TANC2: variants seen among roughly 807,000 people sequenced by gnomAD.
The protein encoded by TANC2 is protein TANC2.
Under a neutral mutation model 210.5 loss-of-function variants are expected in TANC2, and 26 were observed. That is an observed-to-expected ratio of 0.12 (90% CI 0.09 to 0.17). TANC2 has a LOEUF of 0.17. Ranked by LOEUF, TANC2 falls within the 10% of genes least tolerant of loss-of-function variation. TANC2 has a pLI of 1.00. For missense variants in TANC2, 2,129 were observed against 2,608.9 expected, an observed-to-expected ratio of 0.82 and a Z score of 4.01; for synonymous variants, 931 against 967.1, an observed-to-expected ratio of 0.96 and a Z score of 0.69.
At chr17:63,397,946 T>C (rs1025610613) in intron 18 of TANC2, among the ~76,000 whole-genome samples, 4 of 152,202 alleles carry the variant, frequency 2.6e-5, no homozygotes, top group Non-Finnish European at 4.4e-5. Flanking sequence ...ACAGCTACCA[T>C]ATCAATTGAG....
intron 2 of TANC2, among the ~76,000 whole-genome samples, chr17:63,050,640 G>C (rs2035550840): frequency 6.6e-6 from 1 of 152,124 alleles, no homozygotes; most frequent in South Asian, 2.1e-4. Flanking sequence ...GCAAAACCAG[G>C]CAAGTGTGAC....
chr17:63,239,318 G>A (rs1263604948), intron 8 of TANC2, among the ~76,000 whole-genome samples: 2 of 152,148 alleles, frequency 1.3e-5, no homozygotes, highest in Non-Finnish European at 2.9e-5. Context: ...ATAGTTGAAT[G>A]TTCTGACTTT....
intron 9 of TANC2, among the ~76,000 whole-genome samples, chr17:63,286,592 C>G (rs2044228711): frequency 6.6e-6 from 1 of 152,096 alleles, no homozygotes; most frequent in South Asian, 2.1e-4. Flanking sequence ...TCATTTTATT[C>G]ATGTTTCTTA....
At chr17:63,038,882 C>CT (rs1426031093) in intron 2 of TANC2, among the ~76,000 whole-genome samples, 2 of 152,006 alleles carry the variant, frequency 1.3e-5, no homozygotes, top group Non-Finnish European at 2.9e-5. Context: ...TTAGATTTGT[C>CT]TTTTTAAAGG....
chr17:63,220,156 A>G (rs1194091499), intron 7 of TANC2, among the ~76,000 whole-genome samples: 1 of 150,978 alleles, frequency 6.6e-6, no homozygotes, highest in Non-Finnish European at 1.5e-5. Flanking sequence ...TTAGTGGGGC[A>G]TGGTGTCACG....
At chr17:63,255,214 C>G (rs889360810) in intron 8 of TANC2, among the ~76,000 whole-genome samples, 33 of 152,050 alleles carry the variant, frequency 2.2e-4, no homozygotes, top group African/African-American at 8.0e-4. Context: ...ACACCATTCT[C>G]CTGCCTCAGC....
intron 8 of TANC2, among the ~76,000 whole-genome samples, chr17:63,259,333 G>A (rs1434389130): frequency 6.6e-6 from 1 of 152,158 alleles, no homozygotes; most frequent in Non-Finnish European, 1.5e-5. Context: ...ACCCCAGCTG[G>A]TGTCTCACTA....
At chr17:63,299,370 C>T (rs1023880414) in intron 9 of TANC2, among the ~76,000 whole-genome samples, 19 of 152,112 alleles carry the variant, frequency 1.2e-4, no homozygotes, top group African/African-American at 4.6e-4. Context: ...AATTTTTTAA[C>T]TAATTTATAT....
At chr17:63,157,428 A>G (rs2039877781) in intron 5 of TANC2, among the ~76,000 whole-genome samples, 1 of 152,230 alleles carries the variant, frequency 6.6e-6, no homozygotes, top group Admixed American at 6.5e-5. Context: ...AGATATCCAA[A>G]GGGGCAATAT....
intron 4 of TANC2, among the ~76,000 whole-genome samples, chr17:63,120,503 C>T (rs997575722): frequency 6.6e-5 from 10 of 152,078 alleles, no homozygotes; most frequent in African/African-American, 2.4e-4. Flanking sequence ...TTCCATCTTA[C>T]TTTCTGAAAT....
intron 2 of TANC2, among the ~76,000 whole-genome samples, chr17:63,051,356 C>T (rs1189332417): frequency 6.6e-6 from 1 of 152,164 alleles, no homozygotes; most frequent in Non-Finnish European, 1.5e-5. Context: ...AACCCTAGCT[C>T]ATACTTGAGA....
At chr17:63,170,716 A>G (rs993918270) in intron 5 of TANC2, among the ~76,000 whole-genome samples, 11 of 152,328 alleles carry the variant, frequency 7.2e-5, no homozygotes, top group African/African-American at 1.9e-4. Flanking sequence ...GGGGAATTCT[A>G]TATATTCTGA....
chr17:63,240,495 G>A (rs747300353), intron 8 of TANC2, among the ~76,000 whole-genome samples: 1 of 152,050 alleles, frequency 6.6e-6, no homozygotes, highest in Non-Finnish European at 1.5e-5. Flanking sequence ...GTTTAAAAGC[G>A]ACTCAGCTCT....
intron 1 of TANC2, among the ~76,000 whole-genome samples, chr17:62,969,366 GCTC>G (rs2031555146): frequency 6.6e-6 from 1 of 152,194 alleles, no homozygotes; most frequent in Admixed American, 6.5e-5. Context: ...CAGAACCTGT[GCTC>G]CTCATCAATA....
At chr17:63,333,157 G>A (rs912330526) in intron 11 of TANC2, among the ~76,000 whole-genome samples, 4 of 152,100 alleles carry the variant, frequency 2.6e-5, no homozygotes, top group Admixed American at 6.6e-5. Context: ...CTTTTCATGA[G>A]GCTAGAACTC....
At chr17:63,300,898 G>A (rs1163699784) in intron 9 of TANC2, among the ~76,000 whole-genome samples, 1 of 152,170 alleles carries the variant, frequency 6.6e-6, no homozygotes, top group Non-Finnish European at 1.5e-5. Flanking sequence ...CATTCAGTAT[G>A]ATATCAGCTG....
chr17:63,160,580 A>G (rs2039992920), intron 5 of TANC2, among the ~76,000 whole-genome samples: 1 of 152,134 alleles, frequency 6.6e-6, no homozygotes, highest in Non-Finnish European at 1.5e-5. Context: ...AATTGTTTTA[A>G]TTTCTTGTTG....
intron 14 of TANC2, among the ~76,000 whole-genome samples, chr17:63,367,969 C>T (rs1016586881): frequency 2.0e-5 from 3 of 151,958 alleles, no homozygotes; most frequent in African/African-American, 7.3e-5. Flanking sequence ...GAAGATGAGT[C>T]GAAATGAAGG....
At chr17:62,972,453 T>A (rs2031756295) in intron 1 of TANC2, among the ~76,000 whole-genome samples, 1 of 152,164 alleles carries the variant, frequency 6.6e-6, no homozygotes, top group Admixed American at 6.5e-5. Flanking sequence ...CTTAAGAGAG[T>A]CTCATGTCAC....
Sources: allele counts gnomAD v4.1 joint callset (sites outside exome capture counted in the v4.1 genomes callset), GRCh38; gene constraint gnomAD v4.1.1; transcripts MANE v1.5; gene names NCBI Gene and HGNC (gene_info 2026-07-23, HGNC 2026-07-21).